CACNB1: variants seen among roughly 807,000 people sequenced by gnomAD.
CACNB1 encodes the protein calcium voltage-gated channel auxiliary subunit beta 1, also known as voltage-dependent L-type calcium channel subunit beta-1.
Under a neutral mutation model 71.6 loss-of-function variants are expected in CACNB1, and 29 were observed. The ratio of observed to expected loss-of-function variants is 0.40; its 90% CI spans 0.30 to 0.55. The LOEUF (loss-of-function observed/expected upper bound fraction) is 0.55. Among genes scored for constraint, CACNB1 ranks in the 20% least tolerant of loss-of-function variants. The probability of loss-of-function intolerance (pLI) is 0.38; values close to 1 mark genes in which losing one functional copy is unlikely to be tolerated. For missense variants in CACNB1, 623 were observed against 801.8 expected (o/e 0.78, Z 2.69); for synonymous variants, 300 against 319.6 (o/e 0.94, Z 0.65).
intron 11 of CACNB1, among the ~76,000 whole-genome samples, chr17:39,180,160 G>A (rs1016311146): frequency 4.6e-5 from 7 of 151,702 alleles, no homozygotes; most frequent in Non-Finnish European, 8.8e-5. Flanking sequence ...AGATACTCAG[G>A]AGGCTGAGGC....
In CACNB1 at chr17:39,186,045, C is replaced by T. The variant is rs1158911766; in HGVS notation, c.628+451G>A. The T allele has an allele frequency of 6.2e-7, 1 of 1,614,004 alleles. No individual in the cohort carries two copies. Among genetic ancestry groups the T allele is most frequent in the Non-Finnish European group, 8.5e-7 (1 of 1,179,968 alleles). On this transcript the variant is annotated intron_variant, in intron 6 of 13. Transcript: ENST00000394303. The surrounding 1 kb of genome is among the most constrained non-coding windows in gnomAD (Gnocchi z 4.1). ...GAGCCACTCTGCTCACCAAGCTCAGCCTCTTCCTCCTCTAACTCTAGGGGG... is the reference window on the plus strand; with the variant it reads ...GAGCCACTCTGCTCACCAAGCTCAGTCTCTTCCTCCTCTAACTCTAGGGGG...
At chr17:39,189,725 C>T (rs142797003) in intron 3 of CACNB1, among the ~76,000 whole-genome samples, 2,345 of 151,352 alleles carry the variant, frequency 0.015, 31 homozygotes, top group Non-Finnish European at 0.026. Context: ...CTCAAATGCC[C>T]GACCTCAGGT....
At position 39,177,404 on chromosome 17, in the gene CACNB1, G is replaced by A. The variant is rs2045610990; in HGVS notation, c.1278C>T (p.Arg426=). ...CAGCCAGGGCTGCGGTAGCCATGGTGCGGTTCAGCAGCGGATTGGGTGGCG... is the reference window on the plus strand; with the variant it reads ...CAGCCAGGGCTGCGGTAGCCATGGTACGGTTCAGCAGCGGATTGGGTGGCG... The part of the protein sequence containing the change: ...SSTPPNPLLN[R]TMATAALAAS... The change falls in exon 13 of 14, where the codon CGC becomes CGT. Residue 426 remains arginine, a synonymous_variant. Coordinates refer to ENST00000394303, the MANE Select transcript of CACNB1 (RefSeq NM_000723.5). The A allele has an allele frequency of 1.9e-6, 3 of 1,613,770 alleles. No homozygotes were observed. In the South Asian group the frequency reaches 3.3e-5, roughly 18 times the overall value.
chr17:39,185,897 C>A, intron 6 of CACNB1: 1 of 1,573,282 alleles, frequency 6.4e-7, no homozygotes, highest in Admixed American at 1.7e-5. Flanking sequence ...TTCCCTCCAC[C>A]AAAGTGCTGG....
chr17:39,193,430 C>G (rs1157632752), intron 2 of CACNB1: 5 of 449,038 alleles, frequency 1.1e-5, no homozygotes, highest in Non-Finnish European at 2.2e-5. Context: ...GCTGCCACCC[C>G]ACTCCATCCC....
At position 39,177,525 on chromosome 17, in the gene CACNB1, T is replaced by G; in HGVS notation, c.1157A>C (p.Asp386Ala). Reference sequence around the variant, plus strand: ...CAATTGGTTCTCATCCAGGATGATGTCAAACATTTCCTGTGAAGGCGGGGT... The same window carrying G: ...CAATTGGTTCTCATCCAGGATGATGGCAAACATTTCCTGTGAAGGCGGGGT... ...KLAQCPPEMF[D>A]IILDENQLED... is the part of the protein sequence containing the mutation. The change falls in exon 13 of 14, where the codon GAC becomes GCC. Residue 386 changes from aspartate to alanine, a missense_variant. By Grantham distance (126) the Asp-to-Ala change is moderately radical (BLOSUM62 -2). Transcript: ENST00000394303. The G allele has an allele frequency of 6.3e-7, 1 of 1,591,174 alleles. No homozygotes were observed. The highest frequency in any genetic ancestry group is 8.6e-7 in the Non-Finnish European group (1 of 1,165,050).
chr17:39,188,406 C>T (rs935482156), intron 3 of CACNB1, among the ~76,000 whole-genome samples: 1 of 151,878 alleles, frequency 6.6e-6, no homozygotes, highest in Non-Finnish European at 1.5e-5. Flanking sequence ...GAAACCCTGT[C>T]GCTACTAAAA....
intron 11 of CACNB1, chr17:39,183,065 C>T (rs890901407): frequency 2.2e-6 from 1 of 444,470 alleles, no homozygotes; most frequent in African/African-American, 2.1e-5. Flanking sequence ...GGCGGCCTTC[C>T]TACCGATTTC....
In CACNB1 at chr17:39,197,472, G is replaced by A; in HGVS notation, c.24C>T (p.Ser8=). The A allele has an allele frequency of 6.7e-7, 1 of 1,490,366 alleles. No homozygotes were observed. The highest frequency in any genetic ancestry group is 8.9e-7 in the Non-Finnish European group (1 of 1,123,890). The allele number at this position is 1,490,366 out of a possible 1,614,324, so 92.3% of individuals were successfully genotyped here. Residue 8 remains serine (S), a synonymous_variant, in exon 1 of 14, where the codon TCC becomes TCT. Transcript: ENST00000394303. The part of the protein sequence containing the change: MVQKTSM[S]RGPYPPSQEI... The stretch of plus-strand genomic sequence containing the variant: ...CCTGGGAGGGTGGGTAAGGGCCCCG[G>A]GACATGCTGGTCTTCTGGACCATGG...
intron 7 of CACNB1, 54 bp from the exon 8 acceptor site, chr17:39,184,918 T>C (rs2045895206): frequency 7.7e-7 from 1 of 1,290,506 alleles, no homozygotes; most frequent in Non-Finnish European, 1.1e-6. Flanking sequence ...CATTAGATCC[T>C]CTCCCCCAGA....
intron 4 of CACNB1, chr17:39,187,218 T>C (rs888078712): frequency 8.3e-6 from 5 of 600,206 alleles, no homozygotes; most frequent in Middle Eastern, 4.4e-4. Context: ...CTGGAGTAAA[T>C]GCGGATACCT....
intron 11 of CACNB1, among the ~76,000 whole-genome samples, chr17:39,178,454 A>G (rs1424565097): frequency 4.6e-5 from 7 of 151,400 alleles, no homozygotes; most frequent in Non-Finnish European, 1.0e-4. Context: ...AGTGGTGTGA[A>G]CATAGTTCAC....
chr17:39,188,722 A>G (rs1399745755), intron 3 of CACNB1, among the ~76,000 whole-genome samples: 1 of 152,118 alleles, frequency 6.6e-6, no homozygotes, highest in African/African-American at 2.4e-5. Context: ...GGGGTGGGGA[A>G]GCCCACAATG....
intron 11 of CACNB1, among the ~76,000 whole-genome samples, chr17:39,181,548 C>T (rs1474855986): frequency 6.6e-6 from 1 of 152,210 alleles, no homozygotes; most frequent in Non-Finnish European, 1.5e-5. Context: ...GTAGAAGGTC[C>T]AGGCTGCCTG....
At chr17:39,182,079 G>A (rs1206213626) in intron 11 of CACNB1, among the ~76,000 whole-genome samples, 2 of 151,698 alleles carry the variant, frequency 1.3e-5, no homozygotes, top group Non-Finnish European at 2.9e-5. Context: ...AGGAATCACT[G>A]GAACCCAGGA....
intron 10 of CACNB1, 73 bp downstream of exon 10, chr17:39,183,958 T>C (rs1567799864): frequency 5.8e-6 from 9 of 1,547,664 alleles, no homozygotes; most frequent in Non-Finnish European, 8.0e-6. Context: ...CCCTGCCCAC[T>C]ACCTCCCACA....
At position 39,186,210 on chromosome 17, in the gene CACNB1, A is replaced by G. The variant is rs75221069; in HGVS notation, c.628+286T>C. On this transcript the variant is annotated intron_variant, in intron 6 of 13. Coordinates refer to ENST00000394303, the MANE Select transcript of CACNB1 (RefSeq NM_000723.5). This position sits in a 1 kb window ranked among gnomAD's most constrained non-coding sequence, Gnocchi z 4.1. ...AGAACGCAGGGATGGGGATGGGGAA[A>G]AAAGAAAGAAGAAGAGGTGAATGGA... 1.2e-3 allele frequency: 1,173 copies of G among 948,180 alleles called. 9 individuals are homozygous for G. In the African/African-American group the frequency reaches 0.018, roughly 14 times the overall value. The allele number at this position is 948,180 out of a possible 1,614,324, so 58.7% of individuals were successfully genotyped here. A position where few individuals can be genotyped will look rare whatever the true frequency, so the allele number is the denominator to read the frequency against.
intron 3 of CACNB1, among the ~76,000 whole-genome samples, chr17:39,188,037 T>C (rs1225471059): frequency 6.6e-6 from 1 of 151,302 alleles, no homozygotes; most frequent in East Asian, 1.9e-4. Context: ...AACAACAAAA[T>C]GTATACTGAC....
In CACNB1 at chr17:39,175,893, C is replaced by T. The variant is rs112578046; in HGVS notation, c.1333-236G>A. 8.3e-3 allele frequency among the ~76,000 whole-genome samples: 1,269 copies of T among 152,226 alleles called. 22 individuals are homozygous for T. Among genetic ancestry groups the T allele is most frequent in the African/African-American group, 0.029 (1,216 of 41,508 alleles). ...ACCCGACCTTCAACAGATGTGAGGACATATGAACTCTCAGGGCAACTATGG... is the reference window on the plus strand; with the variant it reads ...ACCCGACCTTCAACAGATGTGAGGATATATGAACTCTCAGGGCAACTATGG... On this transcript the variant is annotated intron_variant, in intron 13 of 13. Coordinates refer to ENST00000394303, the MANE Select transcript of CACNB1 (RefSeq NM_000723.5). The surrounding 1 kb of genome is among the most constrained non-coding windows in gnomAD (Gnocchi z 4.7).
Sources: gnomAD v4.1 joint callset for allele counts (sites outside exome capture counted in the v4.1 genomes callset) on GRCh38, gnomAD v4.1.1 for gene constraint, Gnocchi (gnomAD v3.1) non-coding constraint, MANE v1.5 for transcripts, NCBI Gene and HGNC (gene_info 2026-07-23, HGNC 2026-07-21) for gene names.